The following COL23A1 variants were observed in gnomAD, a reference collection of about 807,000 sequenced individuals.
COL23A1 encodes the protein collagen type XXIII alpha 1 chain.
COL23A1 carries 97 observed loss-of-function variants against 99.3 expected under a neutral mutation model. The ratio of observed to expected loss-of-function variants is 0.98; its 90% CI spans 0.83 to 1.16. COL23A1 has a LOEUF of 1.16. Ranked by LOEUF, COL23A1 falls within the 50% of genes most tolerant of loss-of-function variation. The pLI is 0.00. For missense variants in COL23A1, 762 were observed against 757.4 expected (o/e 1.01, Z -0.07); for synonymous variants, 320 against 308.2 (o/e 1.04, Z -0.40).
At chr5:178,341,712 C>A (rs1156283231) in intron 2 of COL23A1, among the ~76,000 whole-genome samples, 1 of 152,122 alleles carries the variant, frequency 6.6e-6, no homozygotes, top group Non-Finnish European at 1.5e-5. Flanking sequence ...GGCCTCTTGT[C>A]CCTGACCTCG....
At chr5:178,513,456 ATTATCTT>A (rs1385429902) in intron 2 of COL23A1, among the ~76,000 whole-genome samples, 1 of 152,174 alleles carries the variant, frequency 6.6e-6, no homozygotes, top group African/African-American at 2.4e-5. Flanking sequence ...ACACAGATGT[ATTATCTT>A]AGAGTTCTGT....
intron 2 of COL23A1, among the ~76,000 whole-genome samples, chr5:178,414,383 T>C (rs748124190): frequency 2.7e-5 from 4 of 150,094 alleles, no homozygotes; most frequent in Non-Finnish European, 5.9e-5. Context: ...GCCGTGGCTC[T>C]GGCATTAACT....
At chr5:178,500,667 G>T (rs1758479128) in intron 2 of COL23A1, among the ~76,000 whole-genome samples, 2 of 149,896 alleles carry the variant, frequency 1.3e-5, no homozygotes, top group African/African-American at 2.4e-5. Context: ...AAAAGAAATT[G>T]GATCCCTACC....
At chr5:178,360,481 A>G (rs866147297) in intron 2 of COL23A1, among the ~76,000 whole-genome samples, 3 of 151,344 alleles carry the variant, frequency 2.0e-5, no homozygotes, top group Admixed American at 6.6e-5. Flanking sequence ...GTGGGGGGGG[A>G]TGGAGGGCTG....
intron 2 of COL23A1, among the ~76,000 whole-genome samples, chr5:178,513,666 G>C (rs1759341394): frequency 6.6e-6 from 1 of 152,066 alleles, no homozygotes; most frequent in Non-Finnish European, 1.5e-5. Flanking sequence ...AGCTCCTAGA[G>C]ACCACTGCAA....
intron 2 of COL23A1, among the ~76,000 whole-genome samples, chr5:178,399,702 T>G (rs113966317): frequency 6.6e-6 from 1 of 152,074 alleles, no homozygotes; most frequent in East Asian, 1.9e-4. Context: ...AGATGGTTTT[T>G]AAAAACAGAG....
chr5:178,347,913 C>CAA (rs372722305), intron 2 of COL23A1, among the ~76,000 whole-genome samples: 4 of 137,756 alleles, frequency 2.9e-5, no homozygotes, highest in African/African-American at 1.1e-4. Context: ...AAAAACAAAA[C>CAA]AAAAAAAAAA....
intron 2 of COL23A1, among the ~76,000 whole-genome samples, chr5:178,425,577 T>C (rs894404256): frequency 6.6e-6 from 1 of 151,996 alleles, no homozygotes; most frequent in African/African-American, 2.4e-5. Flanking sequence ...AGTTTTGAGA[T>C]GTATGGAAAT....
intron 4 of COL23A1, among the ~76,000 whole-genome samples, chr5:178,289,739 G>C (rs966634352): frequency 2.0e-5 from 3 of 152,142 alleles, no homozygotes; most frequent in African/African-American, 7.2e-5. Context: ...GCATTTCCGT[G>C]TACCAAGGTG....
intron 12 of COL23A1, among the ~76,000 whole-genome samples, chr5:178,258,262 T>TATATATATATATATATATACACATAC: frequency 1.1e-4 from 11 of 104,062 alleles, no homozygotes; most frequent in Admixed American, 5.2e-4. Context: ...TATATATATA[T>TATATATATATATATATATACACATAC]ACACATGCAA....
At position 178,454,621 on chromosome 5, in the gene COL23A1, G is replaced by T. The variant is rs116700840; in HGVS notation, c.361+106061C>A. ...GGGCAGAATTATGAGACTCAGAAGA[G>T]CAGGCTCCCAGCAGTGACTCCCGGG... is the stretch of plus-strand genomic sequence containing the variant. On this transcript the variant is annotated intron_variant, in intron 2 of 28. Coordinates refer to ENST00000390654, the MANE Select transcript of COL23A1 (RefSeq NM_173465.4). Among the ~76,000 whole-genome samples the T allele has an allele frequency of 3.1e-3, 465 of 152,284 alleles. 4 individuals carry two copies. The highest frequency in any genetic ancestry group is 0.011 in the African/African-American group (442 of 41,566).
At chr5:178,498,514 AGTGT>A (rs1187214598) in intron 2 of COL23A1, among the ~76,000 whole-genome samples, 1 of 151,878 alleles carries the variant, frequency 6.6e-6, no homozygotes, top group Non-Finnish European at 1.5e-5. Context: ...AAAATAGTAG[AGTGT>A]GTGTATTACA....
chr5:178,551,277 C>A (rs1000503850), intron 2 of COL23A1, among the ~76,000 whole-genome samples: 1 of 150,664 alleles, frequency 6.6e-6, no homozygotes, highest in African/African-American at 2.4e-5. Flanking sequence ...CTAGTGGTCA[C>A]AAGAACATCT....
chr5:178,575,341 T>C (rs1763294814), intron 1 of COL23A1, among the ~76,000 whole-genome samples: 1 of 152,150 alleles, frequency 6.6e-6, no homozygotes, highest in South Asian at 2.1e-4. Flanking sequence ...TTCGCTCGTG[T>C]AGGGAATGAA....
chr5:178,472,652 T>C (rs1581454964), intron 2 of COL23A1, among the ~76,000 whole-genome samples: 1 of 152,142 alleles, frequency 6.6e-6, no homozygotes. Flanking sequence ...AGTGTTAGTA[T>C]TCCCATTTTG....
intron 2 of COL23A1, among the ~76,000 whole-genome samples, chr5:178,379,902 A>C (rs1484397957): frequency 6.6e-6 from 1 of 151,922 alleles, no homozygotes; most frequent in Admixed American, 6.6e-5. Context: ...AAAAGAAAAG[A>C]AAAAGAAAAC....
rs761250870 is a variant in COL23A1, at chr5:178,261,769, G to A, written c.676-21C>T. 9.4e-6 allele frequency: 15 copies of A among 1,596,970 alleles called. No homozygotes were observed. The East Asian group carries it at 3.1e-4, about 33-fold the overall frequency. On this transcript the variant is annotated intron_variant, in intron 10 of 28. Coordinates refer to ENST00000390654, the MANE Select transcript of COL23A1 (RefSeq NM_173465.4). ...GGGCCCTGGAACAAGAGAAGAGAAG[G>A]TGTTAAATGTCATACTGGAGGCTGC...
intron 2 of COL23A1, among the ~76,000 whole-genome samples, chr5:178,457,664 C>T (rs73805813): frequency 0.012 from 1,809 of 152,304 alleles, 45 homozygotes; most frequent in African/African-American, 0.04. Context: ...CCAAAAGCCA[C>T]TTAAATTGCG....
At chr5:178,239,206 G>A (rs1764263147) in intron 27 of COL23A1, 27 bp from the exon 28 acceptor site, 1 of 1,613,816 alleles carries the variant, frequency 6.2e-7, no homozygotes. Context: ...TTTCAGTGAT[G>A]GGGATGGGGC....
Sources: gnomAD v4.1 joint callset for allele counts (sites outside exome capture counted in the v4.1 genomes callset) on GRCh38, gnomAD v4.1.1 for gene constraint, MANE v1.5 for transcripts, NCBI Gene and HGNC (gene_info 2026-07-23, HGNC 2026-07-21) for gene names.